IMPG1: variants seen among roughly 807,000 people sequenced by gnomAD.
The protein encoded by IMPG1 is interphotoreceptor matrix proteoglycan of 150 kDa.
Under a neutral mutation model 92.0 loss-of-function variants are expected in IMPG1, and 85 were observed. The observed-to-expected ratio is 0.92, with a 90% CI of 0.78 to 1.11. IMPG1 has a LOEUF of 1.11. Ranked by LOEUF, IMPG1 falls within the 50% of genes least tolerant of loss-of-function variation. The pLI is 0.00. For synonymous variants in IMPG1, 367 were observed against 334.1 expected, an observed-to-expected ratio of 1.10 and a Z score of -1.08; for missense variants, 1,022 against 956.0, an observed-to-expected ratio of 1.07 and a Z score of -0.91.
chr6:75,974,856 G>C (rs897561620), intron 12 of IMPG1, among the ~76,000 whole-genome samples: 2 of 152,094 alleles, frequency 1.3e-5, no homozygotes, highest in Non-Finnish European at 2.9e-5. Flanking sequence ...CAGTTTAAAT[G>C]AAAATAAAGG....
intron 1 of IMPG1, among the ~76,000 whole-genome samples, chr6:76,070,904 C>A (rs1784394335): frequency 6.6e-6 from 1 of 151,894 alleles, no homozygotes; most frequent in Non-Finnish European, 1.5e-5. Flanking sequence ...CACTAAAGCC[C>A]AGATTTCACC....
At chr6:76,019,971 T>C (rs967035413) in intron 6 of IMPG1, among the ~76,000 whole-genome samples, 6 of 152,216 alleles carry the variant, frequency 3.9e-5, no homozygotes, top group African/African-American at 1.2e-4. Flanking sequence ...TACTGAATTA[T>C]GGTCAACAAT....
chr6:76,070,328 CA>C, intron 1 of IMPG1, among the ~76,000 whole-genome samples: 1 of 151,952 alleles, frequency 6.6e-6, no homozygotes, highest in Non-Finnish European at 1.5e-5. Context: ...CAGAAAATAA[CA>C]GATGTGGAGA....
chr6:75,946,132 C>T (rs1408467908), intron 14 of IMPG1, among the ~76,000 whole-genome samples: 1 of 152,228 alleles, frequency 6.6e-6, no homozygotes, highest in South Asian at 2.1e-4. Flanking sequence ...CAGTGTCTTA[C>T]TGGCATTTAG....
At chr6:76,027,606 C>G (rs183881013) in intron 4 of IMPG1, among the ~76,000 whole-genome samples, 12 of 152,254 alleles carry the variant, frequency 7.9e-5, no homozygotes, top group Admixed American at 4.6e-4. Context: ...CAAAGAAGTG[C>G]TGGAAGAATT....
At chr6:75,995,509 C>T (rs1463916728) in intron 12 of IMPG1, among the ~76,000 whole-genome samples, 1 of 152,148 alleles carries the variant, frequency 6.6e-6, no homozygotes, top group Non-Finnish European at 1.5e-5. Flanking sequence ...TACCCTTCAC[C>T]ACCCCTCCTC....
chr6:75,990,588 TACACACACACACAC>T (rs112985372), intron 12 of IMPG1, among the ~76,000 whole-genome samples: 2 of 144,910 alleles, frequency 1.4e-5, no homozygotes, highest in Non-Finnish European at 3.0e-5. Context: ...ACCCCACCTC[TACACACACACACAC>T]ACACACACAC....
chr6:75,948,693 A>G (rs1781972830), intron 13 of IMPG1, among the ~76,000 whole-genome samples: 1 of 152,174 alleles, frequency 6.6e-6, no homozygotes, highest in Non-Finnish European at 1.5e-5. Context: ...TACTGTGCAG[A>G]TAGCTAGGTG....
rs760632047 is a variant in IMPG1 at position 76,072,436 on chromosome 6, AC to A, written c.52del (p.Val18PhefsTer19). ...AIFVFWIFLQ[V>X]QGTKDISINI... ...AAGTAACTTACCTTTGGTTCCTTGA[AC>A]TTGGAGAAAAATCCAAAAAACAAAA... On this transcript the variant is annotated frameshift_variant, in exon 1 of 17. Coordinates refer to ENST00000369950, the MANE Select transcript of IMPG1 (RefSeq NM_001563.4). LOFTEE classifies it high-confidence loss of function. The A allele has an allele frequency of 1.3e-6, 2 of 1,583,756 alleles. No individual in the cohort carries two copies. The highest frequency in any genetic ancestry group is 2.7e-5 in the African/African-American group (2 of 74,148).
At chr6:76,032,223 A>G (rs1401526831) in intron 4 of IMPG1, among the ~76,000 whole-genome samples, 1 of 152,018 alleles carries the variant, frequency 6.6e-6, no homozygotes, top group Non-Finnish European at 1.5e-5. Flanking sequence ...ATTGTTTCTT[A>G]TAATTTTTAA....
intron 16 of IMPG1, among the ~76,000 whole-genome samples, chr6:75,922,488 G>A (rs188333091): frequency 0.011 from 1,720 of 152,164 alleles, 20 homozygotes; most frequent in Middle Eastern, 0.024. Context: ...CTTCCTCAGG[G>A]AACCCATGTG....
intron 5 of IMPG1, 140 bp downstream of exon 5, chr6:76,025,054 T>G: frequency 1.5e-6 from 1 of 658,848 alleles, no homozygotes; most frequent in South Asian, 1.7e-5. Flanking sequence ...TAAATTATGT[T>G]ATAAAGTTAG....
At chr6:75,993,698 A>G (rs1782852529) in intron 12 of IMPG1, among the ~76,000 whole-genome samples, 3 of 152,222 alleles carry the variant, frequency 2.0e-5, no homozygotes, top group African/African-American at 7.2e-5. Flanking sequence ...TTTCTCAAAA[A>G]ACGTTCTCAA....
intron 1 of IMPG1, among the ~76,000 whole-genome samples, chr6:76,058,993 G>A (rs577017220): frequency 6.6e-6 from 1 of 152,268 alleles, no homozygotes; most frequent in East Asian, 1.9e-4. Context: ...TAGGATTTAT[G>A]TGAGCCTATT....
At chr6:76,006,163 G>T (rs1046926920) in intron 9 of IMPG1, among the ~76,000 whole-genome samples, 3 of 151,980 alleles carry the variant, frequency 2.0e-5, no homozygotes, top group Admixed American at 2.0e-4. Context: ...TGTCAAAAAA[G>T]TTGCTGGTAT....
At chr6:76,051,239 G>C (rs551255896) in intron 1 of IMPG1, among the ~76,000 whole-genome samples, 1 of 152,266 alleles carries the variant, frequency 6.6e-6, no homozygotes, top group African/African-American at 2.4e-5. Context: ...CACTACATTA[G>C]TAGATTCTCA....
intron 16 of IMPG1, among the ~76,000 whole-genome samples, 159 bp from the exon 17 acceptor site, chr6:75,922,325 T>C (rs1781443508): frequency 6.6e-6 from 1 of 152,206 alleles, no homozygotes; most frequent in Non-Finnish European, 1.5e-5. Flanking sequence ...TTCTTAACTT[T>C]ATAACCTACT....
rs954327659 is a variant in IMPG1 at position 75,962,048 on chromosome 6, C to T, written c.1292-10954G>A. On this transcript the variant is annotated intron_variant, in intron 12 of 16. Coordinates refer to ENST00000369950, the MANE Select transcript of IMPG1 (RefSeq NM_001563.4). ...GCAACCAGTTAAAAACTGGATTCAT[C>T]TCAAGAGACAGGTACATTGAATGCA... 3.3e-5 allele frequency among the ~76,000 whole-genome samples: 5 copies of T among 152,154 alleles called. No individual in the cohort carries two copies. In the East Asian group the frequency reaches 9.6e-4, roughly 29 times the overall value.
chr6:76,003,045 GTATA>G, intron 11 of IMPG1, 49 bp from the exon 12 acceptor site: 2 of 1,364,696 alleles, frequency 1.5e-6, no homozygotes, highest in Non-Finnish European at 2.1e-6. Flanking sequence ...ATGTTTGTAT[GTATA>G]TGAGAAGGGC....
Sources: gnomAD v4.1 joint callset for allele counts (sites outside exome capture counted in the v4.1 genomes callset) on GRCh38, gnomAD v4.1.1 for gene constraint, MANE v1.5 for transcripts, NCBI Gene and HGNC (gene_info 2026-07-23, HGNC 2026-07-21) for gene names.